Variants in MCM9 observed in about 807,000 individuals in gnomAD.
MCM9 encodes DNA helicase MCM9.
Under a neutral mutation model 72.8 loss-of-function variants are expected in MCM9, and 55 were observed. That is an observed-to-expected ratio of 0.76 (90% CI 0.61 to 0.95). MCM9 has a LOEUF of 0.95. Among genes scored for constraint, MCM9 ranks in the 40% least tolerant of loss-of-function variants. The pLI is 0.00. For missense variants in MCM9, 1,279 were observed against 1,377.0 expected (o/e 0.93, Z 1.13); for synonymous variants, 480 against 503.4 (o/e 0.95, Z 0.62).
At chr6:118,895,357 AAT>A (rs1359160840) in intron 8 of MCM9, among the ~76,000 whole-genome samples, 1 of 152,176 alleles carries the variant, frequency 6.6e-6, no homozygotes, top group African/African-American at 2.4e-5. Flanking sequence ...CAGGAAGAGA[AAT>A]AGAGCTGAGG....
intron 8 of MCM9, among the ~76,000 whole-genome samples, chr6:118,886,706 C>T (rs1217971331): frequency 1.3e-5 from 2 of 152,118 alleles, no homozygotes; most frequent in Non-Finnish European, 2.9e-5. Flanking sequence ...GTAATCTCAG[C>T]ACTTCAAGAG....
At chr6:118,889,383 C>T (rs1036488303) in intron 8 of MCM9, among the ~76,000 whole-genome samples, 1 of 152,206 alleles carries the variant, frequency 6.6e-6, no homozygotes, top group African/African-American at 2.4e-5. Flanking sequence ...TAGTAACCAA[C>T]TAGAAAAGCT....
chr6:118,920,152 A>G (rs1341834845), intron 5 of MCM9: 7 of 152,362 alleles, frequency 4.6e-5, no homozygotes, highest in African/African-American at 7.2e-5. Context: ...CTGAGCTTAT[A>G]TAAGAACTGC....
chr6:118,894,754 A>AGCGGAGGT (rs1448537631), intron 8 of MCM9, among the ~76,000 whole-genome samples: 2 of 150,742 alleles, frequency 1.3e-5, no homozygotes, highest in African/African-American at 2.5e-5. Context: ...TGAGCGGAGG[A>AGCGGAGGT]GCGGAGGTAG....
intron 8 of MCM9, among the ~76,000 whole-genome samples, chr6:118,886,325 G>A (rs1778596096): frequency 6.6e-6 from 1 of 151,754 alleles, no homozygotes; most frequent in Non-Finnish European, 1.5e-5. Context: ...GCAGGTTATA[G>A]ACAGAGAAAT....
intron 8 of MCM9, among the ~76,000 whole-genome samples, chr6:118,865,999 A>G (rs1041960514): frequency 6.6e-6 from 1 of 152,204 alleles, no homozygotes; most frequent in Admixed American, 6.5e-5. Flanking sequence ...ACCCACATTC[A>G]GCTTCACCAT....
At chr6:118,849,756 C>T (rs139548246) in intron 9 of MCM9, among the ~76,000 whole-genome samples, 1 of 151,834 alleles carries the variant, frequency 6.6e-6, no homozygotes, top group African/African-American at 2.4e-5. Context: ...TACATATAAT[C>T]GTCTATGGGA....
At chr6:118,917,218 T>A (rs1781036904) in intron 6 of MCM9, among the ~76,000 whole-genome samples, 1 of 152,166 alleles carries the variant, frequency 6.6e-6, no homozygotes, top group African/African-American at 2.4e-5. Flanking sequence ...AGAAAAACAA[T>A]GGCTTTAATA....
In MCM9 at chr6:118,815,551, A is replaced by G; in HGVS notation, c.2705T>C (p.Val902Ala). 1.3e-6 allele frequency: 2 copies of G among 1,549,808 alleles called. No individual in the cohort carries two copies. Among genetic ancestry groups the G allele is most frequent in the Admixed American group, 2.0e-5 (1 of 50,860 alleles). ...KRKRPKSLAQ[V>A]EEPAIENVKP... Reference sequence around the variant, plus strand: ...AACATTTTCAATTGCAGGCTCTTCCACTTGCGCAAGGGATTTCGGTCTCTT... The same window carrying G: ...AACATTTTCAATTGCAGGCTCTTCCGCTTGCGCAAGGGATTTCGGTCTCTT... The change falls in exon 14 of 14, where the codon GTG becomes GCG. Residue 902 changes from valine (V) to alanine (A), a missense_variant. Transcript: ENST00000619706.
intron 9 of MCM9, among the ~76,000 whole-genome samples, chr6:118,843,140 A>G (rs1381891262): frequency 6.6e-6 from 1 of 152,176 alleles, no homozygotes; most frequent in Non-Finnish European, 1.5e-5. Flanking sequence ...CAGTTGCTTA[A>G]GCATCTGAAT....
intron 8 of MCM9, among the ~76,000 whole-genome samples, chr6:118,891,145 A>G (rs1296788816): frequency 6.6e-6 from 1 of 152,214 alleles, no homozygotes; most frequent in Non-Finnish European, 1.5e-5. Context: ...CCATGCAAGT[A>G]AGCTGCATCT....
chr6:118,839,669 T>C (rs1396463431), intron 9 of MCM9, among the ~76,000 whole-genome samples: 3 of 152,210 alleles, frequency 2.0e-5, no homozygotes, highest in African/African-American at 7.2e-5. Context: ...TCTCTCCTTC[T>C]AACAGGCCCC....
At chr6:118,902,247 T>C in intron 8 of MCM9, among the ~76,000 whole-genome samples, 1 of 152,166 alleles carries the variant, frequency 6.6e-6, no homozygotes, top group East Asian at 1.9e-4. Flanking sequence ...CATGTGTGGC[T>C]TTACCTCTCT....
intron 8 of MCM9, among the ~76,000 whole-genome samples, chr6:118,860,969 T>C (rs1776862509): frequency 6.6e-6 from 1 of 152,202 alleles, no homozygotes; most frequent in Non-Finnish European, 1.5e-5. Context: ...GCTGGGCTTG[T>C]TCCACCCATT....
In MCM9 at chr6:118,911,704, C is replaced by T. The variant is rs1326251359; in HGVS notation, c.1096G>A (p.Ala366Thr). Reference protein sequence around the residue: ...TGKSQFLKYAAKITPRSVLTT... With the variant: ...TGKSQFLKYATKITPRSVLTT... The stretch of plus-strand genomic sequence containing the variant: ...AGCACAGATCTTGGTGTAATCTTTG[C>T]TGCATATTTGAGGAACTGAGATTTC... The change falls in exon 8 of 14, where the codon GCA (alanine) becomes ACA (threonine). Residue 366 changes from alanine to threonine, a missense_variant. Physicochemically the swap from Ala to Thr is moderately conservative, Grantham distance 58 (BLOSUM62 0). Coordinates refer to ENST00000619706, the MANE Select transcript of MCM9 (RefSeq NM_017696.3). The T allele has an allele frequency of 3.1e-6, 5 of 1,613,588 alleles. No individual in the cohort carries two copies. Among genetic ancestry groups the T allele is most frequent in the Non-Finnish European group, 4.2e-6 (5 of 1,179,840 alleles).
intron 9 of MCM9, among the ~76,000 whole-genome samples, chr6:118,842,685 A>G (rs142128010): frequency 0.014 from 2,120 of 152,156 alleles, 41 homozygotes; most frequent in African/African-American, 0.049. Flanking sequence ...ACGCTTTGCT[A>G]TTTTTAAAAT....
chr6:118,907,361 TTC>T, intron 8 of MCM9: 5 of 1,404,482 alleles, frequency 3.6e-6, no homozygotes, highest in Non-Finnish European at 4.9e-6. Flanking sequence ...TGATTTAACT[TTC>T]TTAGTGTTTA....
At chr6:118,864,007 TAA>T (rs538132338) in intron 8 of MCM9, among the ~76,000 whole-genome samples, 10 of 143,808 alleles carry the variant, frequency 7.0e-5, no homozygotes, top group African/African-American at 5.1e-5. Flanking sequence ...AGAATTGATT[TAA>T]AAAAAAAAAA....
chr6:118,925,357 T>C (rs1781804923), intron 3 of MCM9, among the ~76,000 whole-genome samples: 1 of 152,182 alleles, frequency 6.6e-6, no homozygotes, highest in African/African-American at 2.4e-5. Flanking sequence ...AGAAATGCCA[T>C]AATAGGAATC....
Sources: gnomAD v4.1 joint callset for allele counts (sites outside exome capture counted in the v4.1 genomes callset) on GRCh38, gnomAD v4.1.1 for gene constraint, MANE v1.5 for transcripts, NCBI Gene and HGNC (gene_info 2026-07-23, HGNC 2026-07-21) for gene names.